The following MTOR variants were observed in gnomAD, a reference collection of about 807,000 sequenced individuals.
MTOR encodes mechanistic target of rapamycin kinase.
A neutral mutation model predicts 319.8 loss-of-function variants in MTOR; 70 were observed. That is an observed-to-expected ratio of 0.22 (90% CI 0.18 to 0.27). MTOR has a LOEUF of 0.27. Ranked by LOEUF, MTOR falls within the 10% of genes least tolerant of loss-of-function variation. The probability of loss-of-function intolerance (pLI) is 1.00; values close to 1 mark genes in which losing one functional copy is unlikely to be tolerated. For missense variants in MTOR, 1,890 were observed against 3,274.4 expected (o/e 0.58, Z 10.32); for synonymous variants, 1,183 against 1,211.4 (o/e 0.98, Z 0.49).
Position 11,128,784 on chromosome 1 carries a change from G to A in MTOR, c.5811+71C>T. 2 of 1,325,138 alleles carry A rather than the reference G, an allele frequency of 1.5e-6. No individual in the cohort carries two copies. Among genetic ancestry groups the A allele is most frequent in the Non-Finnish European group, 2.2e-6 (2 of 927,778 alleles). The allele number at this position is 1,325,138 out of a possible 1,614,324, so 82.1% of individuals were successfully genotyped here. On this transcript the variant is annotated intron_variant, in intron 41 of 57. Transcript: ENST00000361445. This position sits in a 1 kb window ranked among gnomAD's most constrained non-coding sequence, Gnocchi z 5.3. Reference sequence around the variant, plus strand: ...ACACTGCCTTGTGACACTGAACACAGCATGCTTGTAAGAGGAGACACACAG... The same window carrying A: ...ACACTGCCTTGTGACACTGAACACAACATGCTTGTAAGAGGAGACACACAG...
At chr1:11,125,153 C>A (rs1642759900) in intron 46 of MTOR, among the ~76,000 whole-genome samples, 1 of 152,146 alleles carries the variant, frequency 6.6e-6, no homozygotes, top group African/African-American at 2.4e-5. Flanking sequence ...TAGCTGGGCT[C>A]CTTGCTCTTT....
chr1:11,116,031 T>C (rs1642148605), intron 50 of MTOR, among the ~76,000 whole-genome samples: 1 of 152,226 alleles, frequency 6.6e-6, no homozygotes, highest in African/African-American at 2.4e-5. Context: ...TCTACTATTT[T>C]TGTGGGGTAA....
intron 54 of MTOR, chr1:11,111,479 T>TAAA: frequency 1.2e-5 from 1 of 80,878 alleles, no homozygotes; most frequent in Non-Finnish European, 2.8e-5. Context: ...AGACTCTGTC[T>TAAA]CAAGAAAAAA....
chr1:11,109,762 C>A lies in MTOR; in HGVS notation c.7367-33G>T. Reference sequence around the variant, plus strand: ...AAAAGAAATCAATTAACAGAAAATTCAAACACCAAAAAGCCACTGTTGGTG... The same window carrying A: ...AAAAGAAATCAATTAACAGAAAATTAAAACACCAAAAAGCCACTGTTGGTG... On this transcript the variant is annotated intron_variant, in intron 54 of 57. Coordinates refer to ENST00000361445, the MANE Select transcript of MTOR (RefSeq NM_004958.4). This position sits in a 1 kb window ranked among gnomAD's most constrained non-coding sequence, Gnocchi z 4.0. The A allele has an allele frequency of 6.3e-7, 1 of 1,595,638 alleles. No homozygotes were observed. The highest frequency in any genetic ancestry group is 1.1e-5 in the South Asian group (1 of 90,694).
At position 11,227,328 on chromosome 1, in the gene MTOR, T is replaced by G. The variant is rs1314948441; in HGVS notation, c.3030+1340A>C. ...AAAAAAAAAAAAAAAAAAAAAAAATTCAATTAGGTTGATAGTTATAAATAC... is the reference window on the plus strand; with the variant it reads ...AAAAAAAAAAAAAAAAAAAAAAAATGCAATTAGGTTGATAGTTATAAATAC... On this transcript the variant is annotated intron_variant, in intron 19 of 57. Transcript: ENST00000361445. Among the ~76,000 whole-genome samples, 6 of 136,952 alleles carry G rather than the reference T, an allele frequency of 4.4e-5. No homozygotes were observed. In the South Asian group the frequency reaches 1.4e-3, roughly 32 times the overall value. The allele number at this position is 136,952 out of a possible 152,430, so 89.8% of individuals were successfully genotyped here.
chr1:11,194,579 A>G lies in MTOR; in HGVS notation c.4253+4679T>C. The stretch of plus-strand genomic sequence containing the variant: ...GGCAATGTGGGGAACGACGCCCTCC[A>G]GTATCATAACAACACAGCCTTCAGC... On this transcript the variant is annotated intron_variant, in intron 28 of 57. Coordinates refer to ENST00000361445, the MANE Select transcript of MTOR (RefSeq NM_004958.4). 2 of 1,614,214 alleles carry G rather than the reference A, an allele frequency of 1.2e-6. No individual in the cohort carries two copies. The highest frequency in any genetic ancestry group is 8.5e-7 in the Non-Finnish European group (1 of 1,180,032).
intron 53 of MTOR, 80 bp downstream of exon 53, chr1:11,114,238 C>G: frequency 6.4e-7 from 1 of 1,568,652 alleles, no homozygotes; most frequent in Non-Finnish European, 8.7e-7. Flanking sequence ...CAAGCAACTC[C>G]TCTGCCTTGG....
intron 28 of MTOR, among the ~76,000 whole-genome samples, 167 bp from the exon 29 acceptor site, chr1:11,167,684 T>G (rs1197804918): frequency 6.6e-6 from 1 of 152,148 alleles, no homozygotes; most frequent in Admixed American, 6.5e-5. Flanking sequence ...GTTTAAATCG[T>G]TTCATCTGAA....
At position 11,130,542 on chromosome 1, in the gene MTOR, T is replaced by C. The variant is rs1454857182; in HGVS notation, c.5600A>G (p.Lys1867Arg). The C allele has an allele frequency of 5.6e-6, 9 of 1,613,212 alleles. No individual in the cohort carries two copies. Among genetic ancestry groups the C allele is most frequent in the African/African-American group, 5.3e-5 (4 of 74,882 alleles). ...ENSPTPSPLQKKVTEDLSKTL... is the reference protein window; with the variant it reads ...ENSPTPSPLQRKVTEDLSKTL... Reference sequence around the variant, plus strand: ...AGGGAAGGGTACCTCAGTGACCTTCTTCTGCAGCGGCGATGGGGTGGGGCT... The same window carrying C: ...AGGGAAGGGTACCTCAGTGACCTTCCTCTGCAGCGGCGATGGGGTGGGGCT... The change falls in exon 39 of 58, where the codon AAG becomes AGG. Residue 1867 changes from lysine (K) to arginine (R), a missense_variant. Around this residue, in one of 15 missense-constraint regions of MTOR, gnomAD observed 91 missense variants for 90.4 expected, o/e 1.01. Coordinates refer to ENST00000361445, the MANE Select transcript of MTOR (RefSeq NM_004958.4).
intron 31 of MTOR, among the ~76,000 whole-genome samples, chr1:11,149,019 G>A (rs1381013069): frequency 6.6e-6 from 1 of 152,050 alleles, no homozygotes; most frequent in Non-Finnish European, 1.5e-5. Context: ...TCCTGCCCAA[G>A]CCTCACAGAG....
intron 36 of MTOR, among the ~76,000 whole-genome samples, chr1:11,138,290 A>G (rs1427352882): frequency 6.6e-6 from 1 of 152,186 alleles, no homozygotes; most frequent in Non-Finnish European, 1.5e-5. Flanking sequence ...GGAGGCTCAC[A>G]GAGACTGAAA....
chr1:11,207,375 A>G (rs866002672), intron 25 of MTOR, among the ~76,000 whole-genome samples: 6 of 149,632 alleles, frequency 4.0e-5, no homozygotes, highest in Non-Finnish European at 8.9e-5. Context: ...TGTTGGAATT[A>G]CAGGCATGAG....
chr1:11,214,042 C>A (rs1646394428), intron 20 of MTOR, among the ~76,000 whole-genome samples: 1 of 152,208 alleles, frequency 6.6e-6, no homozygotes, highest in South Asian at 2.1e-4. Flanking sequence ...TCTGTATCCC[C>A]AGAATCTATC....
intron 30 of MTOR, among the ~76,000 whole-genome samples, chr1:11,153,178 G>A (rs1181808348): frequency 6.6e-6 from 1 of 152,226 alleles, no homozygotes; most frequent in African/African-American, 2.4e-5. Flanking sequence ...TGTGAAAGGA[G>A]AGGAGTGGAA....
chr1:11,157,434 C>T, intron 29 of MTOR, 143 bp from the exon 30 acceptor site: 2 of 1,011,836 alleles, frequency 2.0e-6, no homozygotes, highest in South Asian at 1.9e-5. Context: ...GGATTAAAAA[C>T]AACTTCAGAC....
intron 16 of MTOR, 103 bp from the exon 17 acceptor site, chr1:11,231,537 A>T: frequency 7.1e-7 from 1 of 1,400,220 alleles, no homozygotes; most frequent in Non-Finnish European, 9.6e-7. Flanking sequence ...AGAGGCTGTA[A>T]GAAGAAAAGA....
intron 8 of MTOR, among the ~76,000 whole-genome samples, chr1:11,244,664 A>T (rs570427283): frequency 1.2e-4 from 19 of 152,318 alleles, no homozygotes; most frequent in African/African-American, 4.1e-4. Flanking sequence ...AAAACAGTAC[A>T]GTCGTGTGCC....
rs574947871 is a variant in MTOR at position 11,245,824 on chromosome 1, C to T, written c.1225+1801G>A. On this transcript the variant is annotated intron_variant, in intron 8 of 57. Coordinates refer to ENST00000361445, the MANE Select transcript of MTOR (RefSeq NM_004958.4). The stretch of plus-strand genomic sequence containing the variant: ...ACTTGGGAGGCTGAGGTGAGAGGAT[C>T]GCTTGAGCTCAGTAGGTCATGGCTG... 2.0e-5 allele frequency among the ~76,000 whole-genome samples: 3 copies of T among 152,220 alleles called. No homozygotes were observed. In the East Asian group the frequency reaches 5.8e-4, roughly 29 times the overall value.
chr1:11,252,725 C>A (rs899663055), intron 6 of MTOR, among the ~76,000 whole-genome samples: 1 of 152,152 alleles, frequency 6.6e-6, no homozygotes, highest in Non-Finnish European at 1.5e-5. Context: ...AAGCAGGAAT[C>A]CCCGGGGTAA....
Sources: gnomAD v4.1 joint callset for allele counts (sites outside exome capture counted in the v4.1 genomes callset) on GRCh38, gnomAD v4.1.1 for gene constraint, gnomAD v4.1.1 regional missense constraint, Gnocchi (gnomAD v3.1) non-coding constraint, MANE v1.5 for transcripts, NCBI Gene and HGNC (gene_info 2026-07-23, HGNC 2026-07-21) for gene names.